Variants in INSYN2B observed in about 807,000 individuals in gnomAD.
INSYN2B encodes protein INSYN2B.
Under a neutral mutation model 41.2 loss-of-function variants are expected in INSYN2B, and 16 were observed. That is an observed-to-expected ratio of 0.39 (90% CI 0.26 to 0.59). The LOEUF (loss-of-function observed/expected upper bound fraction) is 0.59. Ranked by LOEUF, INSYN2B falls within the 20% of genes least tolerant of loss-of-function variation. INSYN2B has a pLI of 0.57. For synonymous variants in INSYN2B, 245 were observed against 244.4 expected, an observed-to-expected ratio of 1.00 and a Z score of -0.02; for missense variants, 608 against 646.4, an observed-to-expected ratio of 0.94 and a Z score of 0.64.
intron 1 of INSYN2B, among the ~76,000 whole-genome samples, chr5:169,971,731 A>G (rs955099816): frequency 2.0e-4 from 30 of 152,358 alleles, no homozygotes; most frequent in African/African-American, 7.0e-4. Context: ...TGAAGGCAAC[A>G]CAGTAGGCAG....
intron 1 of INSYN2B, among the ~76,000 whole-genome samples, chr5:169,979,066 G>C (rs1191519777): frequency 6.6e-6 from 1 of 152,160 alleles, no homozygotes; most frequent in African/African-American, 2.4e-5. Context: ...CTCATTCCTA[G>C]GTAGTAAATA....
intron 3 of INSYN2B, among the ~76,000 whole-genome samples, chr5:169,867,268 C>T (rs1771626445): frequency 6.6e-6 from 1 of 152,164 alleles, no homozygotes; most frequent in South Asian, 2.1e-4. Flanking sequence ...AGGCAGGTGA[C>T]AGGAGGACAG....
chr5:169,941,219 AT>A (rs1221866311), intron 1 of INSYN2B, among the ~76,000 whole-genome samples: 1 of 152,038 alleles, frequency 6.6e-6, no homozygotes, highest in Non-Finnish European at 1.5e-5. Context: ...TGTTATTATT[AT>A]TTTTTGATGT....
intron 3 of INSYN2B, among the ~76,000 whole-genome samples, chr5:169,876,567 A>G (rs1039291593): frequency 3.3e-5 from 5 of 152,208 alleles, no homozygotes; most frequent in African/African-American, 9.7e-5. Flanking sequence ...AAGGGTTTCA[A>G]TGTCCTATGA....
intron 1 of INSYN2B, among the ~76,000 whole-genome samples, chr5:169,957,804 C>T (rs1357557041): frequency 1.3e-5 from 2 of 152,182 alleles, no homozygotes; most frequent in Non-Finnish European, 2.9e-5. Flanking sequence ...CCATGTACTG[C>T]TACTGTTCTT....
chr5:169,977,552 CAAG>C (rs1777759151), intron 1 of INSYN2B, among the ~76,000 whole-genome samples: 1 of 152,164 alleles, frequency 6.6e-6, no homozygotes, highest in African/African-American at 2.4e-5. Context: ...AGCTGAGGCA[CAAG>C]ACCCTGCTCG....
chr5:169,930,765 G>T (rs1273298894), intron 1 of INSYN2B, among the ~76,000 whole-genome samples: 1 of 152,186 alleles, frequency 6.6e-6, no homozygotes, highest in Non-Finnish European at 1.5e-5. Context: ...GGCACTGTGG[G>T]TGAGCCTCCA....
At chr5:169,871,654 CAT>C (rs1490537771) in intron 3 of INSYN2B, among the ~76,000 whole-genome samples, 1 of 152,158 alleles carries the variant, frequency 6.6e-6, no homozygotes, top group Non-Finnish European at 1.5e-5. Flanking sequence ...ACTGAAATAA[CAT>C]AGTAATCTGC....
chr5:169,945,738 C>G (rs1371133699), intron 1 of INSYN2B, among the ~76,000 whole-genome samples: 1 of 152,160 alleles, frequency 6.6e-6, no homozygotes, highest in Non-Finnish European at 1.5e-5. Flanking sequence ...CTGCAGAACA[C>G]TTGCCTCTGG....
chr5:169,900,649 C>G (rs866851233), intron 1 of INSYN2B, among the ~76,000 whole-genome samples: 1 of 152,114 alleles, frequency 6.6e-6, no homozygotes, highest in Non-Finnish European at 1.5e-5. Flanking sequence ...TTAGAAGCTT[C>G]GATTAGCAGT....
intron 3 of INSYN2B, among the ~76,000 whole-genome samples, chr5:169,866,801 C>A (rs1363392704): frequency 2.0e-5 from 3 of 152,200 alleles, no homozygotes; most frequent in Non-Finnish European, 2.9e-5. Context: ...TGCTCTCACA[C>A]CACAACAACC....
intron 1 of INSYN2B, among the ~76,000 whole-genome samples, chr5:169,897,208 C>CA (rs1325974513): frequency 2.0e-5 from 3 of 151,768 alleles, no homozygotes; most frequent in Middle Eastern, 3.4e-3. Flanking sequence ...TTTTTTGAGA[C>CA]AGAGTCTTGC....
chr5:169,896,533 C>G (rs1414901720), intron 1 of INSYN2B, among the ~76,000 whole-genome samples: 1 of 152,168 alleles, frequency 6.6e-6, no homozygotes, highest in Non-Finnish European at 1.5e-5. Flanking sequence ...ACTTAAGAAG[C>G]TGGCTGTAAG....
At chr5:169,965,010 C>A (rs1446520742) in intron 1 of INSYN2B, among the ~76,000 whole-genome samples, 1 of 152,190 alleles carries the variant, frequency 6.6e-6, no homozygotes, top group Admixed American at 6.5e-5. Flanking sequence ...AGGTCTGATT[C>A]CCTTTTGAAT....
intron 1 of INSYN2B, among the ~76,000 whole-genome samples, chr5:169,925,092 C>G (rs2113662840): frequency 6.6e-6 from 1 of 152,226 alleles, no homozygotes; most frequent in South Asian, 2.1e-4. Context: ...TTTTTCTTCA[C>G]TATCCACCCC....
At chr5:169,948,266 T>C (rs888901445) in intron 1 of INSYN2B, among the ~76,000 whole-genome samples, 5 of 151,518 alleles carry the variant, frequency 3.3e-5, no homozygotes, top group African/African-American at 7.3e-5. Context: ...ACAGAGCTTA[T>C]ATTTTAGTAG....
intron 1 of INSYN2B, among the ~76,000 whole-genome samples, chr5:169,897,137 G>C (rs1288270151): frequency 6.6e-6 from 1 of 152,156 alleles, no homozygotes; most frequent in Non-Finnish European, 1.5e-5. Context: ...ATGAGAAAGA[G>C]AATCCTTATG....
In INSYN2B at chr5:169,881,352, G is replaced by T. The variant is rs371966689; in HGVS notation, c.1421+16C>A. On this transcript the variant is annotated intron_variant, in intron 3 of 3. Coordinates refer to ENST00000377365, the MANE Select transcript of INSYN2B (RefSeq NM_001129891.3). ...CTTTATGGTCTACAGAGCAGGCCTC[G>T]CTTGTGGCCAGGTACCTGTATATGA... The T allele has an allele frequency of 7.0e-5, 108 of 1,549,150 alleles. No individual in the cohort carries two copies. In the Middle Eastern group the frequency reaches 1.5e-3, roughly 22 times the overall value.
At chr5:169,967,209 G>A (rs1321608282) in intron 1 of INSYN2B, among the ~76,000 whole-genome samples, 2 of 152,228 alleles carry the variant, frequency 1.3e-5, no homozygotes, top group Non-Finnish European at 2.9e-5. Flanking sequence ...ACAGGGACAT[G>A]AGAACTCAGA....
Sources: gnomAD v4.1 joint callset for allele counts (sites outside exome capture counted in the v4.1 genomes callset) on GRCh38, gnomAD v4.1.1 for gene constraint, MANE v1.5 for transcripts, NCBI Gene and HGNC (gene_info 2026-07-23, HGNC 2026-07-21) for gene names.